The following MEX3D variants were observed in gnomAD, a reference collection of about 807,000 sequenced individuals.
The protein encoded by MEX3D is mex-3 RNA binding family member D.
A neutral mutation model predicts 6.3 loss-of-function variants in MEX3D; 4 were observed. That is an observed-to-expected ratio of 0.64 (90% CI 0.31 to 1.46). The LOEUF (loss-of-function observed/expected upper bound fraction) is 1.46. Ranked by LOEUF, MEX3D falls within the 40% of genes most tolerant of loss-of-function variation. The probability of loss-of-function intolerance (pLI) is 0.07; values close to 1 mark genes in which losing one functional copy is unlikely to be tolerated. For missense variants in MEX3D, 1,038 were observed against 994.4 expected (o/e 1.04, Z -0.59); for synonymous variants, 626 against 494.1 (o/e 1.27, Z -3.54).
Position 1,556,322 on chromosome 19 carries a change from G to T in MEX3D, c.1197C>A (p.Pro399=). 1 of 1,333,628 alleles carries T rather than the reference G, an allele frequency of 7.5e-7. No homozygotes were observed. The highest frequency in any genetic ancestry group is 9.5e-7 in the Non-Finnish European group (1 of 1,047,830). The allele number at this position is 1,333,628 out of a possible 1,614,324, so 82.6% of individuals were successfully genotyped here. A position where few individuals can be genotyped will look rare whatever the true frequency, so the allele number is the denominator to read the frequency against. The change falls in exon 2 of 2, where the codon CCC becomes CCA. Residue 399 remains proline, a synonymous_variant. Transcript: ENST00000402693. This position sits in a 1 kb window ranked among gnomAD's most constrained non-coding sequence, Gnocchi z 7.5. The part of the protein sequence containing the change: ...GLRGDTALGA[P]SAPEAFYAGS... The stretch of plus-strand genomic sequence containing the variant: ...CCGCGTAGAAGGCCTCGGGGGCGCT[G>T]GGGGCGCCCAGGGCCGTGTCCCCGC...
intron 1 of MEX3D, 113 bp from the exon 2 acceptor site, chr19:1,557,036 GC>G: frequency 7.9e-7 from 1 of 1,270,304 alleles, no homozygotes; most frequent in Non-Finnish European, 1.1e-6. Flanking sequence ...CCCAGCCTGT[GC>G]CCAACAACAC....
chr19:1,567,662 G>A lies in MEX3D; in HGVS notation c.397C>T (p.Pro133Ser). The A allele has an allele frequency of 1.7e-6, 2 of 1,206,380 alleles. No individual in the cohort carries two copies. The highest frequency in any genetic ancestry group is 3.5e-5 in the East Asian group (1 of 28,410). The allele number at this position is 1,206,380 out of a possible 1,614,324, so 74.7% of individuals were successfully genotyped here. A position where few individuals can be genotyped will look rare whatever the true frequency, so the allele number is the denominator to read the frequency against. ...SLPLLDPNAS[P>S]PPPPPPRPSP... is the part of the protein sequence containing the mutation. ...GGCCGGGGCGGCGGCGGCGGCGGGGGACTCGCGTTGGGGTCCAGCAGCGGC... is the reference window on the plus strand; with the variant it reads ...GGCCGGGGCGGCGGCGGCGGCGGGGAACTCGCGTTGGGGTCCAGCAGCGGC... The change falls in exon 1 of 2, where the codon CCC becomes TCC. Residue 133 changes from proline to serine, a missense_variant. Physicochemically the swap from Pro to Ser is moderately conservative, Grantham distance 74. Transcript: ENST00000402693. This position sits in a 1 kb window ranked among gnomAD's most constrained non-coding sequence, Gnocchi z 6.5.
rs767281215 is a variant in MEX3D, at chr19:1,555,583, C to T, written c.1936G>A (p.Ala646Thr). 3.8e-6 allele frequency: 6 copies of T among 1,587,712 alleles called. No individual in the cohort carries two copies. Among genetic ancestry groups the T allele is most frequent in the Non-Finnish European group, 5.1e-6 (6 of 1,169,174 alleles). The change falls in exon 2 of 2, where the codon GCC becomes ACC. Residue 646 changes from alanine (A) to threonine (T), a missense_variant. By Grantham distance (58) the Ala-to-Thr change is moderately conservative. This residue lies in a region of MEX3D where 581 missense variants were observed against 516.2 expected (regional missense o/e 1.13). Transcript: ENST00000402693. The part of the protein sequence containing the change: ...CPACRTPATQ[A>T]IHIFS ...GCGCTCTAGGAAAAGATATGAATGG[C>T]CTGGGTGGCCGGCGTGCGGCAGGCG... is the stretch of plus-strand genomic sequence containing the variant.
At position 1,568,209 on chromosome 19, in the gene MEX3D, C is replaced by T. The variant is rs1351300017; in HGVS notation, c.-151G>A. Among the ~76,000 whole-genome samples, 1 of 138,514 alleles carries T rather than the reference C, an allele frequency of 7.2e-6. No homozygotes were observed. The highest frequency in any genetic ancestry group is 1.6e-5 in the Non-Finnish European group (1 of 63,134). 90.9% of individuals were successfully genotyped at this position (138,514 alleles called of 152,430 possible). ...GGCCGGGCGGGCGGGGCGGCGGCGG[C>T]GCGGGGCTGCTCGGGGCCGGGCCGG... is the stretch of plus-strand genomic sequence containing the variant. On this transcript the variant is annotated 5_prime_UTR_variant, in exon 1 of 2. Transcript: ENST00000402693.
In MEX3D at chr19:1,567,951, G is replaced by A. The variant is rs1914894433; in HGVS notation, c.108C>T (p.Pro36=). The change falls in exon 1 of 2, where the codon CCC becomes CCT. Residue 36 remains proline (P), a synonymous_variant. Transcript: ENST00000402693. This position sits in a 1 kb window ranked among gnomAD's most constrained non-coding sequence, Gnocchi z 6.5. ...EDPGPGPAPP[P]EGAQEAAPAP... is the part of the protein sequence containing the mutation. ...CGGGCGCGGCCTCCTGGGCGCCCTCGGGCGGGGGCGCAGGTCCGGGTCCGG... is the reference window on the plus strand; with the variant it reads ...CGGGCGCGGCCTCCTGGGCGCCCTCAGGCGGGGGCGCAGGTCCGGGTCCGG... 9.2e-6 allele frequency: 9 copies of A among 978,386 alleles called. No homozygotes were observed. The highest frequency in any genetic ancestry group is 1.8e-5 in the African/African-American group (1 of 56,156). The allele number at this position is 978,386 out of a possible 1,614,324, so 60.6% of individuals were successfully genotyped here. A position where few individuals can be genotyped will look rare whatever the true frequency, so the allele number is the denominator to read the frequency against.
Position 1,555,574 on chromosome 19 carries a change from T to C in MEX3D, c.1945A>G (p.Ile649Val). The change falls in exon 2 of 2, where the codon ATC becomes GTC. Residue 649 changes from isoleucine (I) to valine (V), a missense_variant. Physicochemically the swap from Ile to Val is conservative, Grantham distance 29. Coordinates refer to ENST00000402693, the MANE Select transcript of MEX3D (RefSeq NM_203304.4). ...TGGTGGTCCGCGCTCTAGGAAAAGA[T>C]ATGAATGGCCTGGGTGGCCGGCGTG... ...CRTPATQAIH[I>V]FS The C allele has an allele frequency of 3.2e-6, 5 of 1,584,784 alleles. No individual in the cohort carries two copies. The highest frequency in any genetic ancestry group is 4.3e-6 in the Non-Finnish European group (5 of 1,167,636).
At chr19:1,559,991 C>G (rs575188923) in intron 1 of MEX3D, among the ~76,000 whole-genome samples, 1 of 152,336 alleles carries the variant, frequency 6.6e-6, no homozygotes, top group South Asian at 2.1e-4. Flanking sequence ...TCCAGGAAGC[C>G]CACCCTGACT....
Position 1,556,086 on chromosome 19 carries a change from C to G in MEX3D, c.1433G>C (p.Arg478Pro). 1 of 1,434,400 alleles carries G rather than the reference C, an allele frequency of 7.0e-7. No homozygotes were observed. Among genetic ancestry groups the G allele is most frequent in the Non-Finnish European group, 9.1e-7 (1 of 1,092,978 alleles). 88.9% of individuals were successfully genotyped at this position (1,434,400 alleles called of 1,614,324 possible). Residue 478 changes from arginine to proline, a missense_variant, in exon 2 of 2, where the codon CGC becomes CCC. By Grantham distance (103) the Arg-to-Pro change is moderately radical. Coordinates refer to ENST00000402693, the MANE Select transcript of MEX3D (RefSeq NM_203304.4). The surrounding 1 kb of genome is among the most constrained non-coding windows in gnomAD (Gnocchi z 7.5). ...AAATIWAPFE[R>P]AAPLPAFSGC... ...GCTGAAGGCGGGCAAGGGGGCGGCG[C>G]GCTCAAAAGGCGCCCAGATGGTGGC...
chr19:1,555,407 G>A lies in MEX3D; in HGVS notation c.*156C>T. 1.9e-6 allele frequency: 3 copies of A among 1,599,868 alleles called. No individual in the cohort carries two copies. The highest frequency in any genetic ancestry group is 1.7e-6 in the Non-Finnish European group (2 of 1,173,212). On this transcript the variant is annotated 3_prime_UTR_variant, in exon 2 of 2. Transcript: ENST00000402693. ...CTCCACGCCTGAGGCGGCAGTTAAA[G>A]CTCATCTGTAAACACTGGCCGCCGC...
At chr19:1,558,270 T>C (rs1395116994) in intron 1 of MEX3D, among the ~76,000 whole-genome samples, 1 of 149,040 alleles carries the variant, frequency 6.7e-6, no homozygotes, top group Non-Finnish European at 1.5e-5. Flanking sequence ...GAGGCTGAAG[T>C]GGGAGGATCA....
chr19:1,556,731 G>T lies in MEX3D; in HGVS notation c.788C>A (p.Ala263Asp), dbSNP rs779092546. ...TRSKAGGLPG[A>D]AQGPPNLPGQ... is the part of the protein sequence containing the mutation. ...GGGAAGGTTGGGCGGGCCCTGGGCGGCGCCGGGCAGACCCCCGGCCTTGCT... is the reference window on the plus strand; with the variant it reads ...GGGAAGGTTGGGCGGGCCCTGGGCGTCGCCGGGCAGACCCCCGGCCTTGCT... The change falls in exon 2 of 2, where the codon GCC (alanine) becomes GAC (aspartate). Residue 263 changes from alanine (A) to aspartate (D), a missense_variant. Transcript: ENST00000402693. This position sits in a 1 kb window ranked among gnomAD's most constrained non-coding sequence, Gnocchi z 7.5. 1 of 1,611,616 alleles carries T rather than the reference G, an allele frequency of 6.2e-7. No individual in the cohort carries two copies. The highest frequency in any genetic ancestry group is 1.7e-5 in the Admixed American group (1 of 59,940).
At position 1,556,791 on chromosome 19, in the gene MEX3D, G is replaced by T; in HGVS notation, c.728C>A (p.Ala243Glu). Reference sequence around the variant, plus strand: ...GCGGATGATGGAGAAGTGTTCGGCCGCCGACAGGATCTCACGCTTGGCCAT... The same window carrying T: ...GCGGATGATGGAGAAGTGTTCGGCCTCCGACAGGATCTCACGCTTGGCCAT... ...VEMAKREILS[A>E]AEHFSIIRAT... is the part of the protein sequence containing the mutation. Residue 243 changes from alanine (A) to glutamate (E), a missense_variant, in exon 2 of 2, where the codon GCG (alanine) becomes GAG (glutamate). Ala to Glu is a moderately radical substitution (Grantham distance 107, BLOSUM62 -1). Transcript: ENST00000402693. This position sits in a 1 kb window ranked among gnomAD's most constrained non-coding sequence, Gnocchi z 7.5. 1 of 1,612,568 alleles carries T rather than the reference G, an allele frequency of 6.2e-7. No homozygotes were observed. The highest frequency in any genetic ancestry group is 8.5e-7 in the Non-Finnish European group (1 of 1,179,772).
chr19:1,564,716 C>T (rs915365365), intron 1 of MEX3D, among the ~76,000 whole-genome samples: 1 of 152,016 alleles, frequency 6.6e-6, no homozygotes, highest in African/African-American at 2.4e-5. Context: ...GGTGCCAGGC[C>T]TGTGTGACTC....
rs1914554808 is a variant in MEX3D, at chr19:1,556,306, A to C, written c.1213T>G (p.Phe405Val). The change falls in exon 2 of 2, where the codon TTC becomes GTC. Residue 405 changes from phenylalanine (F) to valine (V), a missense_variant. Physicochemically the swap from Phe to Val is conservative, Grantham distance 50 (BLOSUM62 -1). Coordinates refer to ENST00000402693, the MANE Select transcript of MEX3D (RefSeq NM_203304.4). The surrounding 1 kb of genome is among the most constrained non-coding windows in gnomAD (Gnocchi z 7.5). ...GGGCCGCCGCGGCTGCCCGCGTAGAAGGCCTCGGGGGCGCTGGGGGCGCCC... is the reference window on the plus strand; with the variant it reads ...GGGCCGCCGCGGCTGCCCGCGTAGACGGCCTCGGGGGCGCTGGGGGCGCCC... ...ALGAPSAPEA[F>V]YAGSRGGPSV... 1.0e-5 allele frequency: 13 copies of C among 1,300,900 alleles called. No homozygotes were observed. Among genetic ancestry groups the C allele is most frequent in the Non-Finnish European group, 1.3e-5 (13 of 1,028,422 alleles). The allele number at this position is 1,300,900 out of a possible 1,614,324, so 80.6% of individuals were successfully genotyped here.
intron 1 of MEX3D, among the ~76,000 whole-genome samples, chr19:1,560,184 C>CCCT (rs1320981629): frequency 1.3e-5 from 2 of 152,244 alleles, no homozygotes; most frequent in Non-Finnish European, 2.9e-5. Flanking sequence ...GCTTCACAGG[C>CCCT]CCTCAGAGGG....
chr19:1,555,320 A>G lies in MEX3D; in HGVS notation c.*243T>C. The G allele has an allele frequency of 1.3e-6, 2 of 1,597,530 alleles. No homozygotes were observed. The highest frequency in any genetic ancestry group is 1.7e-5 in the Admixed American group (1 of 59,526). On this transcript the variant is annotated 3_prime_UTR_variant, in exon 2 of 2. Coordinates refer to ENST00000402693, the MANE Select transcript of MEX3D (RefSeq NM_203304.4). Reference sequence around the variant, plus strand: ...GGACCTTTTCTCTCCGGTTTATTGTAACCTGACCACTCAATACTGTCGTTG... The same window carrying G: ...GGACCTTTTCTCTCCGGTTTATTGTGACCTGACCACTCAATACTGTCGTTG...
chr19:1,556,189 C>G lies in MEX3D; in HGVS notation c.1330G>C (p.Gly444Arg), dbSNP rs1244341701. The G allele has an allele frequency of 6.9e-7, 1 of 1,454,390 alleles. No homozygotes were observed. The highest frequency in any genetic ancestry group is 2.2e-5 in the Admixed American group (1 of 44,642). The allele number at this position is 1,454,390 out of a possible 1,614,324, so 90.1% of individuals were successfully genotyped here. A position where few individuals can be genotyped will look rare whatever the true frequency, so the allele number is the denominator to read the frequency against. ...FGAEGPGAPV[G>R]TAAPDDCDFG... is the part of the protein sequence containing the mutation. ...TCGCAGTCGTCGGGGGCGGCCGTCC[C>G]CACCGGGGCACCGGGACCCTCCGCG... is the stretch of plus-strand genomic sequence containing the variant. The change falls in exon 2 of 2, where the codon GGG becomes CGG. Residue 444 changes from glycine (G) to arginine (R), a missense_variant. Gly to Arg is a moderately radical substitution (Grantham distance 125). Around this residue, in one of 5 missense-constraint regions of MEX3D, gnomAD observed 581 missense variants for 516.2 expected, o/e 1.13. Coordinates refer to ENST00000402693, the MANE Select transcript of MEX3D (RefSeq NM_203304.4). The surrounding 1 kb of genome is among the most constrained non-coding windows in gnomAD (Gnocchi z 7.5).
chr19:1,556,562 C>G lies in MEX3D; in HGVS notation c.957G>C (p.Ala319=). The change falls in exon 2 of 2, where the codon GCG becomes GCC. Residue 319 remains alanine, a synonymous_variant. Transcript: ENST00000402693. This position sits in a 1 kb window ranked among gnomAD's most constrained non-coding sequence, Gnocchi z 7.5. ...TPGRDKEPVF[A]VTGMPENVDR... ...CCACGTTCTCGGGCATCCCAGTGAC[C>G]GCGAACACCGGCTCCTTGTCGCGCC... The G allele has an allele frequency of 6.2e-7, 1 of 1,608,466 alleles. No homozygotes were observed. The highest frequency in any genetic ancestry group is 8.5e-7 in the Non-Finnish European group (1 of 1,178,290).
chr19:1,555,228 G>A lies in MEX3D; in HGVS notation c.*335C>T. 1 of 1,198,068 alleles carries A rather than the reference G, an allele frequency of 8.3e-7. No individual in the cohort carries two copies. The highest frequency in any genetic ancestry group is 1.1e-6 in the Non-Finnish European group (1 of 896,624). The allele number at this position is 1,198,068 out of a possible 1,614,324, so 74.2% of individuals were successfully genotyped here. ...CTGGAAAAGTCGTGTTTTTTGTTTT[G>A]CTTTTTTAAAGATCACCCTGGAGGG... On this transcript the variant is annotated 3_prime_UTR_variant, in exon 2 of 2. Coordinates refer to ENST00000402693, the MANE Select transcript of MEX3D (RefSeq NM_203304.4).
Sources: gnomAD v4.1 joint callset for allele counts (sites outside exome capture counted in the v4.1 genomes callset) on GRCh38, gnomAD v4.1.1 for gene constraint, gnomAD v4.1.1 regional missense constraint, Gnocchi (gnomAD v3.1) non-coding constraint, MANE v1.5 for transcripts, NCBI Gene and HGNC (gene_info 2026-07-23, HGNC 2026-07-21) for gene names.